ABCC1: variants seen among roughly 807,000 people sequenced by gnomAD.
ABCC1 encodes multidrug resistance-associated protein 1.
A neutral mutation model predicts 172.9 loss-of-function variants in ABCC1; 83 were observed. That is an observed-to-expected ratio of 0.48 (90% CI 0.40 to 0.58). The LOEUF (loss-of-function observed/expected upper bound fraction) is 0.58, where lower values mean the gene tolerates loss of function less well. Among genes scored for constraint, ABCC1 ranks in the 20% least tolerant of loss-of-function variants. The probability of loss-of-function intolerance (pLI) is 0.00; values close to 1 mark genes in which losing one functional copy is unlikely to be tolerated. For synonymous variants in ABCC1, 937 were observed against 825.2 expected, an observed-to-expected ratio of 1.14 and a Z score of -2.32; for missense variants, 1,817 against 2,002.7, an observed-to-expected ratio of 0.91 and a Z score of 1.77.
At chr16:16,076,444 A>G in intron 15 of ABCC1, 43 bp downstream of exon 15, 1 of 1,538,962 alleles carries the variant, frequency 6.5e-7, no homozygotes, top group Non-Finnish European at 8.8e-7. Flanking sequence ...GGAGAGAGCC[A>G]CAGGGCTTTT....
chr16:16,028,186 T>C (rs1253279344), intron 5 of ABCC1, among the ~76,000 whole-genome samples: 1 of 152,170 alleles, frequency 6.6e-6, no homozygotes, highest in Non-Finnish European at 1.5e-5. Flanking sequence ...CCCTCAGTGA[T>C]TAAGGGGTGA....
At chr16:15,998,711 C>A (rs574306417) in intron 1 of ABCC1, among the ~76,000 whole-genome samples, 2 of 152,306 alleles carry the variant, frequency 1.3e-5, no homozygotes, top group East Asian at 1.9e-4. Context: ...CTTTGCTCAG[C>A]GTTTCCTGAC....
rs917006624 is a variant in ABCC1, at chr16:16,142,466, T to C, written c.*1185T>C. On this transcript the variant is annotated 3_prime_UTR_variant, in exon 31 of 31. Coordinates refer to ENST00000399410, the MANE Select transcript of ABCC1 (RefSeq NM_004996.4). ...CAAAAAAATGTCCCCTTGAGTCTTT[T>C]CCTTGTTTTTAGATGTTAATTCTCT... is the stretch of plus-strand genomic sequence containing the variant. The C allele has an allele frequency of 6.6e-6, 1 of 152,234 alleles. No individual in the cohort carries two copies. Among genetic ancestry groups the C allele is most frequent in the African/African-American group, 2.4e-5 (1 of 41,460 alleles). 9.4% of individuals were successfully genotyped at this position (152,234 alleles called of 1,614,324 possible). A position where few individuals can be genotyped will look rare whatever the true frequency, so the allele number is the denominator to read the frequency against.
chr16:16,111,681 AC>A (rs1226692858), intron 22 of ABCC1, 99 bp downstream of exon 22: 4 of 1,152,398 alleles, frequency 3.5e-6, no homozygotes, highest in Non-Finnish European at 4.9e-6. Context: ...GTTTTGTGGG[AC>A]CCCAAACCAA....
In ABCC1 at chr16:16,124,925, G is replaced by T. The variant is rs769801307; in HGVS notation, c.3717+10G>T. The T allele has an allele frequency of 2.3e-5, 37 of 1,614,080 alleles. No individual in the cohort carries two copies. The highest frequency in any genetic ancestry group is 3.0e-5 in the Non-Finnish European group (35 of 1,180,052). ...GTCTTACTCATTGCAGGTAAGAGGGGATGCTCTTGGCTGGATTATTAAAGT... is the reference window on the plus strand; with the variant it reads ...GTCTTACTCATTGCAGGTAAGAGGGTATGCTCTTGGCTGGATTATTAAAGT... On this transcript the variant is annotated intron_variant, in intron 25 of 30. Transcript: ENST00000399410.
intron 22 of ABCC1, among the ~76,000 whole-genome samples, chr16:16,114,178 G>A (rs1444237282): frequency 6.6e-6 from 1 of 152,164 alleles, no homozygotes; most frequent in South Asian, 2.1e-4. Flanking sequence ...GGGCAAAGGC[G>A]TTCACCTATC....
intron 1 of ABCC1, among the ~76,000 whole-genome samples, chr16:15,966,355 TG>T (rs1209880674): frequency 1.3e-5 from 2 of 148,620 alleles, no homozygotes; most frequent in African/African-American, 5.0e-5. Flanking sequence ...GAGGTTGCAG[TG>T]AACTGAGATT....
At chr16:15,953,145 G>A (rs1259196799) in intron 1 of ABCC1, among the ~76,000 whole-genome samples, 1 of 152,106 alleles carries the variant, frequency 6.6e-6, no homozygotes, top group East Asian at 1.9e-4. Flanking sequence ...AGACCAGCCT[G>A]ACCAACATGG....
chr16:16,116,107 T>C (rs183746180), intron 23 of ABCC1, among the ~76,000 whole-genome samples: 4 of 152,030 alleles, frequency 2.6e-5, no homozygotes, highest in Non-Finnish European at 5.9e-5. Context: ...GGTTTCACCA[T>C]GTTAGCCAGG....
intron 6 of ABCC1, among the ~76,000 whole-genome samples, chr16:16,034,998 G>C (rs568812673): frequency 3.2e-4 from 48 of 152,330 alleles, no homozygotes; most frequent in African/African-American, 9.1e-4. Flanking sequence ...ACGTGGCAAC[G>C]TGTTAACAAT....
Position 16,026,464 on chromosome 16 carries a change from C to CTTTTTTTTTTTTTTTTT in ABCC1, c.616-6645_616-6644insTTTTTTTTTTTTTTTTT, listed in dbSNP as rs1491397616. ...AAAAAAAAAAAAAAAAAGGCTATTTCCTTTTTTTTTTTTTTTTTTTTTTTG... is the reference window on the plus strand; with the variant it reads ...AAAAAAAAAAAAAAAAAGGCTATTTCTTTTTTTTTTTTTTTTTCTTTTTTTTTTTTTTTTTTTTTTTG... On this transcript the variant is annotated intron_variant, in intron 5 of 30. Transcript: ENST00000399410. Among the ~76,000 whole-genome samples the CTTTTTTTTTTTTTTTTT allele has an allele frequency of 1.6e-4, 16 of 102,290 alleles. 2 individuals carry two copies. The highest frequency in any genetic ancestry group is 4.2e-4 in the African/African-American group (12 of 28,718). The allele number at this position is 102,290 out of a possible 152,430, so 67.1% of individuals were successfully genotyped here. A position where few individuals can be genotyped will look rare whatever the true frequency, so the allele number is the denominator to read the frequency against.
At chr16:16,040,098 G>C (rs2048919137) in intron 7 of ABCC1, among the ~76,000 whole-genome samples, 1 of 151,316 alleles carries the variant, frequency 6.6e-6, no homozygotes, top group African/African-American at 2.4e-5. Flanking sequence ...ATGTATGTAT[G>C]TATGTATGTA....
At chr16:16,051,595 T>G (rs1008458293) in intron 10 of ABCC1, among the ~76,000 whole-genome samples, 6 of 152,174 alleles carry the variant, frequency 3.9e-5, no homozygotes, top group Non-Finnish European at 7.3e-5. Context: ...TCACTAATTC[T>G]CTGGCAACCA....
chr16:16,014,502 C>G lies in ABCC1; in HGVS notation c.363C>G (p.Thr121=). ...GCTTCTCTCCTCAGCTGCTTGCTAC[C>G]TTTTTAATTCAGCTGGAGAGGAGGA... ...TLLGITMLLA[T]FLIQLERRKG... Residue 121 remains threonine, a synonymous_variant, in exon 4 of 31, where the codon ACC becomes ACG. Transcript: ENST00000399410. 6.2e-7 allele frequency: 1 copy of G among 1,613,940 alleles called. No individual in the cohort carries two copies. Among genetic ancestry groups the G allele is most frequent in the Non-Finnish European group, 8.5e-7 (1 of 1,179,964 alleles).
chr16:15,973,118 A>G (rs2046406309), intron 1 of ABCC1, among the ~76,000 whole-genome samples: 1 of 151,752 alleles, frequency 6.6e-6, no homozygotes, highest in African/African-American at 2.4e-5. Flanking sequence ...CAATCAATTC[A>G]CTTTTTAAGC....
rs558337783 is a variant in ABCC1, at chr16:16,068,037, G to C, written c.1678-119G>C. ...CCAGGTTTTTCCACGAGCTCCAGCA[G>C]CTGGTCAGTTGTGGCCACCTGGGGA... On this transcript the variant is annotated intron_variant, in intron 12 of 30. Transcript: ENST00000399410. 4.0e-5 allele frequency: 46 copies of C among 1,152,260 alleles called. No individual in the cohort carries two copies. In the East Asian group the frequency reaches 1.1e-3, roughly 27 times the overall value. The allele number at this position is 1,152,260 out of a possible 1,614,324, so 71.4% of individuals were successfully genotyped here.
At chr16:16,060,839 A>G (rs1202957030) in intron 12 of ABCC1, among the ~76,000 whole-genome samples, 2 of 149,978 alleles carry the variant, frequency 1.3e-5, no homozygotes, top group Non-Finnish European at 3.0e-5. Flanking sequence ...TTTTTTTGAG[A>G]AGGAGTCTTG....
rs116442641 is a variant in ABCC1 at position 16,128,527 on chromosome 16, G to A, written c.3819+2616G>A. 6.7e-3 allele frequency among the ~76,000 whole-genome samples: 1,016 copies of A among 152,286 alleles called. 12 individuals are homozygous for A. The highest frequency in any genetic ancestry group is 0.023 in the African/African-American group (960 of 41,548). ...AGGATCGTGTTTGACAAACCCAAGA[G>A]AAAGTAATTGTCCTCATTAGTCCTA... On this transcript the variant is annotated intron_variant, in intron 26 of 30. Coordinates refer to ENST00000399410, the MANE Select transcript of ABCC1 (RefSeq NM_004996.4).
At chr16:16,136,388 A>G (rs2045918202) in intron 28 of ABCC1, 90 bp from the exon 29 acceptor site, 14 of 1,434,146 alleles carry the variant, frequency 9.8e-6, no homozygotes, top group Middle Eastern at 2.0e-4. Flanking sequence ...CCCACCTTCA[A>G]CAGTCCTGGC....
Sources: allele counts gnomAD v4.1 joint callset (sites outside exome capture counted in the v4.1 genomes callset), GRCh38; gene constraint gnomAD v4.1.1; transcripts MANE v1.5; gene names NCBI Gene and HGNC (gene_info 2026-07-23, HGNC 2026-07-21).